The following HEATR4 variants were observed in gnomAD, a reference collection of about 807,000 sequenced individuals.
HEATR4 encodes HEAT repeat-containing protein 4.
Under a neutral mutation model 108.8 loss-of-function variants are expected in HEATR4, and 95 were observed. The ratio of observed to expected loss-of-function variants is 0.87; its 90% CI spans 0.74 to 1.04. The LOEUF (loss-of-function observed/expected upper bound fraction) is 1.04. Ranked by LOEUF, HEATR4 falls within the 50% of genes least tolerant of loss-of-function variation. HEATR4 has a pLI of 0.00. For synonymous variants in HEATR4, 443 were observed against 459.4 expected (o/e 0.96, Z 0.46); for missense variants, 1,152 against 1,253.8 (o/e 0.92, Z 1.23).
the HEATR4 span, among the ~76,000 whole-genome samples, chr14:73,626,821 A>C: frequency 8.2e-6 from 1 of 122,024 alleles, no homozygotes; most frequent in Non-Finnish European, 1.6e-5. Context: ...TTTTTGAGAC[A>C]GAGTTTTGCT....
intron 17 of HEATR4, among the ~76,000 whole-genome samples, chr14:73,485,655 T>G (rs1395653685): frequency 6.6e-6 from 1 of 152,126 alleles, no homozygotes; most frequent in Non-Finnish European, 1.5e-5. Flanking sequence ...GTTGGATCAC[T>G]TAGGGCAAGG....
At chr14:73,565,840 G>C in the HEATR4 span, among the ~76,000 whole-genome samples, 5 of 152,042 alleles carry the variant, frequency 3.3e-5, no homozygotes, top group Non-Finnish European at 7.4e-5. Flanking sequence ...AAGAACGAAA[G>C]AACAAAGTTT....
intron 11 of HEATR4, among the ~76,000 whole-genome samples, chr14:73,501,085 A>G (rs1886423595): frequency 6.6e-6 from 1 of 152,112 alleles, no homozygotes; most frequent in South Asian, 2.1e-4. Flanking sequence ...ATGCCTATGC[A>G]GTCTTTTTGT....
At chr14:73,493,180 G>A (rs1885900060) in intron 16 of HEATR4, 56 bp from the exon 17 acceptor site, 2 of 1,417,124 alleles carry the variant, frequency 1.4e-6, no homozygotes, top group Admixed American at 1.7e-5. Context: ...CTTGATCCGT[G>A]ATCATTTCAG....
chr14:73,509,107 T>TC (rs1887037654), intron 8 of HEATR4, among the ~76,000 whole-genome samples: 1 of 152,178 alleles, frequency 6.6e-6, no homozygotes, highest in African/African-American at 2.4e-5. Flanking sequence ...GCTCAGGTGA[T>TC]CCTGTCGCCT....
At chr14:73,571,402 AG>A in the HEATR4 span, 1 of 153,412 alleles carries the variant, frequency 6.5e-6, no homozygotes, top group Non-Finnish European at 1.5e-5. Flanking sequence ...ATACTTTGGC[AG>A]GGGCTGGTGC....
At chr14:73,497,488 A>G (rs1325379002) in intron 14 of HEATR4, among the ~76,000 whole-genome samples, 1 of 152,246 alleles carries the variant, frequency 6.6e-6, no homozygotes, top group Non-Finnish European at 1.5e-5. Context: ...GGGCTCACAG[A>G]GTTTAAATAC....
At chr14:73,569,424 C>T in the HEATR4 span, 8 of 1,613,914 alleles carry the variant, frequency 5.0e-6, no homozygotes, top group Middle Eastern at 1.7e-4. Context: ...GGTTCCTGCT[C>T]GGATGGCGGC....
rs1180640897 is a variant in HEATR4, at chr14:73,547,240, G to T, written c.-152+11511C>A. 1.7e-5 allele frequency among the ~76,000 whole-genome samples: 2 copies of T among 114,912 alleles called. 1 individual carries two copies. The highest frequency in any genetic ancestry group is 5.6e-5 in the African/African-American group (2 of 35,716). The allele number at this position is 114,912 out of a possible 152,430, so 75.4% of individuals were successfully genotyped here. On this transcript the variant is annotated intron_variant, in intron 1 of 17. Coordinates refer to ENST00000553558, the MANE Select transcript of HEATR4 (RefSeq NM_001220484.1). Reference sequence around the variant, plus strand: ...TACTGAAAATACAAGTATTAGCCGGGCGTGGTGCTGGGCGCCTGTAATCCC... The same window carrying T: ...TACTGAAAATACAAGTATTAGCCGGTCGTGGTGCTGGGCGCCTGTAATCCC...
the HEATR4 span, among the ~76,000 whole-genome samples, chr14:73,621,842 C>A: frequency 6.8e-6 from 1 of 146,184 alleles, no homozygotes; most frequent in African/African-American, 2.6e-5. Flanking sequence ...TGGCTTACTG[C>A]AGCCTCAACC....
chr14:73,630,098 G>A, the HEATR4 span, among the ~76,000 whole-genome samples: 1 of 151,842 alleles, frequency 6.6e-6, no homozygotes, highest in African/African-American at 2.4e-5. Flanking sequence ...GGTACGTGGT[G>A]TCCTAATTAG....
intron 8 of HEATR4, 92 bp from the exon 9 acceptor site, chr14:73,508,386 A>C: frequency 9.8e-7 from 1 of 1,017,790 alleles, no homozygotes; most frequent in Non-Finnish European, 1.5e-6. Flanking sequence ...CTGCTACCCC[A>C]CCTGATATCT....
chr14:73,499,232 G>A (rs1270304321), intron 12 of HEATR4, 92 bp from the exon 13 acceptor site: 5 of 1,119,856 alleles, frequency 4.5e-6, no homozygotes, highest in Non-Finnish European at 6.8e-6. Flanking sequence ...TGTAATCCCA[G>A]CATTTTGGGA....
chr14:73,556,967 C>T (rs543915548), intron 1 of HEATR4, among the ~76,000 whole-genome samples: 2 of 112,684 alleles, frequency 1.8e-5, no homozygotes, highest in African/African-American at 5.7e-5. Context: ...AGTTTGGAGG[C>T]TCCTTATTAT....
chr14:73,485,859 A>C, intron 17 of HEATR4, among the ~76,000 whole-genome samples: 1 of 118,644 alleles, frequency 8.4e-6, no homozygotes, highest in Admixed American at 9.6e-5. Context: ...ACAAAGCAAG[A>C]CTCTGTCTCA....
At chr14:73,500,794 C>G (rs753068045) in intron 11 of HEATR4, 64 bp from the exon 12 acceptor site, 9 of 1,454,138 alleles carry the variant, frequency 6.2e-6, no homozygotes, top group South Asian at 1.2e-5. Context: ...CCCCAACCCC[C>G]ACTAATGCCC....
At chr14:73,619,755 A>T in the HEATR4 span, 2 of 1,613,690 alleles carry the variant, frequency 1.2e-6, no homozygotes, top group Non-Finnish European at 1.7e-6. Flanking sequence ...ACTCAAAGGC[A>T]CAGGTAGATG....
At chr14:73,558,418 G>C (rs1314052926) in intron 1 of HEATR4, among the ~76,000 whole-genome samples, 1 of 134,000 alleles carries the variant, frequency 7.5e-6, no homozygotes, top group Non-Finnish European at 1.6e-5. Flanking sequence ...GTACAGTGGC[G>C]TGATCATGAC....
In HEATR4 at chr14:73,514,229, T is replaced by G. The variant is rs201399380; in HGVS notation, c.1216A>C (p.Arg406=). 5.0e-5 allele frequency: 81 copies of G among 1,613,992 alleles called. No individual in the cohort carries two copies. The highest frequency in any genetic ancestry group is 8.5e-7 in the Non-Finnish European group (1 of 1,179,902). The stretch of plus-strand genomic sequence containing the variant: ...CAGCGCAGGGCTCCTTGCACAGGTC[T>G]GTAAGCTGTGCAACGTGGCAGTGTG... The part of the protein sequence containing the change: ...SAQAIPEASY[R]PVQGALRWTA... Residue 406 remains arginine (R), a synonymous_variant, in exon 6 of 18, where the codon AGA becomes CGA. Coordinates refer to ENST00000553558, the MANE Select transcript of HEATR4 (RefSeq NM_001220484.1).
Sources: allele counts gnomAD v4.1 joint callset (sites outside exome capture counted in the v4.1 genomes callset), GRCh38; gene constraint gnomAD v4.1.1; transcripts MANE v1.5; gene names NCBI Gene and HGNC (gene_info 2026-07-23, HGNC 2026-07-21).